Variants in EPHA1 observed in about 807,000 individuals in gnomAD.
EPHA1 encodes EPH receptor A1, also known as ephrin type-A receptor 1.
EPHA1 carries 92 observed loss-of-function variants against 110.1 expected under a neutral mutation model. The ratio of observed to expected loss-of-function variants is 0.84; its 90% confidence interval spans 0.71 to 0.99. The LOEUF is 0.99. EPHA1 is among the 50% of genes least tolerant of loss of function. The pLI is 0.00. For synonymous variants in EPHA1, 500 were observed against 516.1 expected, an observed-to-expected ratio of 0.97 and a Z score of 0.42; for missense variants, 1,204 against 1,285.4, an observed-to-expected ratio of 0.94 and a Z score of 0.97.
chr7:143,404,819 A>AG (rs1805501454), intron 2 of EPHA1, among the ~76,000 whole-genome samples: 1 of 152,140 alleles, frequency 6.6e-6, no homozygotes, highest in African/African-American at 2.4e-5. Flanking sequence ...ATGAATTTTC[A>AG]AAAGCTCTCA....
chr7:143,407,898 G>A (rs907551308), intron 1 of EPHA1: 1 of 394,336 alleles, frequency 2.5e-6, no homozygotes, highest in African/African-American at 2.1e-5. Flanking sequence ...CAGGTAGAGT[G>A]GGACAAGGGT....
intron 5 of EPHA1, 135 bp downstream of exon 5, chr7:143,399,123 C>A: frequency 7.8e-7 from 1 of 1,282,256 alleles, no homozygotes. Context: ...GGTGCCAGGG[C>A]AGGGGCTAAA....
Position 143,395,998 on chromosome 7 carries a change from T to G in EPHA1, c.1897+387A>C, listed in dbSNP as rs1307130841. On this transcript the variant is annotated intron_variant, in intron 11 of 17. Transcript: ENST00000275815. The surrounding 1 kb of genome is among the most constrained non-coding windows in gnomAD (Gnocchi z 4.7). ...AGGGAACAGGGCAGCCCAAGGACAC[T>G]GGGCCTCTGATGGGGTGGAATGCCA... 6.6e-6 allele frequency among the ~76,000 whole-genome samples: 1 copy of G among 152,208 alleles called. No individual in the cohort carries two copies. The highest frequency in any genetic ancestry group is 2.4e-5 in the African/African-American group (1 of 41,456).
chr7:143,396,263 A>C, intron 11 of EPHA1, 122 bp downstream of exon 11: 1 of 1,331,366 alleles, frequency 7.5e-7, no homozygotes, highest in Non-Finnish European at 1.0e-6. Context: ...TACCTCTGGA[A>C]ACTCTTGGAC....
In EPHA1 at chr7:143,398,916, A is replaced by C; in HGVS notation, c.1021T>G (p.Phe341Val). The C allele has an allele frequency of 6.2e-7, 1 of 1,612,052 alleles. No homozygotes were observed. The highest frequency in any genetic ancestry group is 1.7e-5 in the Admixed American group (1 of 59,866). ...GAGAGCTGAGTCCCTGAGGCAGAGA[A>C]GCTCAGGTTTCGGGGGGCCGAGGGG... ...GPPSAPRNLS[F>V]SASGTQLSLR... The change falls in exon 6 of 18, where the codon TTC becomes GTC. Residue 341 changes from phenylalanine (F) to valine (V), a missense_variant. Coordinates refer to ENST00000275815, the MANE Select transcript of EPHA1 (RefSeq NM_005232.5).
At chr7:143,407,559 T>C in intron 2 of EPHA1, 52 bp downstream of exon 2, 1 of 1,577,890 alleles carries the variant, frequency 6.3e-7, no homozygotes, top group Non-Finnish European at 8.7e-7. Flanking sequence ...CCACCCCATT[T>C]CCCACTGGCC....
At chr7:143,402,005 A>G (rs560808807) in intron 2 of EPHA1, among the ~76,000 whole-genome samples, 2 of 152,142 alleles carry the variant, frequency 1.3e-5, no homozygotes, top group East Asian at 3.9e-4. Context: ...GTATAATCAA[A>G]GCTCACTATA....
intron 16 of EPHA1, among the ~76,000 whole-genome samples, chr7:143,392,668 G>T (rs184133570): frequency 6.6e-6 from 1 of 152,108 alleles, no homozygotes; most frequent in South Asian, 2.1e-4. Context: ...TCCAGGCCAG[G>T]CGAGGTGGCC....
chr7:143,394,735 T>C (rs902996280), intron 14 of EPHA1, 73 bp downstream of exon 14: 2 of 1,566,452 alleles, frequency 1.3e-6, no homozygotes, highest in Non-Finnish European at 1.7e-6. Flanking sequence ...TTTGTGCCTA[T>C]ATACATGTGA....
Position 143,395,287 on chromosome 7 carries a change from C to T in EPHA1, c.2083+32G>A, listed in dbSNP as rs1223885341. The T allele has an allele frequency of 1.7e-5, 27 of 1,613,744 alleles. No homozygotes were observed. Among genetic ancestry groups the T allele is most frequent in the East Asian group, 4.5e-5 (2 of 44,892 alleles). On this transcript the variant is annotated intron_variant, in intron 12 of 17. Transcript: ENST00000275815. This position sits in a 1 kb window ranked among gnomAD's most constrained non-coding sequence, Gnocchi z 4.7. ...TTTCACCCCTCTTTCCTGCATTTCCCGCCCCCAGCTGAGGGAGACCACTCA... is the reference window on the plus strand; with the variant it reads ...TTTCACCCCTCTTTCCTGCATTTCCTGCCCCCAGCTGAGGGAGACCACTCA...
Position 143,395,554 on chromosome 7 carries a change from C to A in EPHA1, c.1898-50G>T. The A allele has an allele frequency of 6.3e-7, 1 of 1,592,508 alleles. No homozygotes were observed. Among genetic ancestry groups the A allele is most frequent in the Non-Finnish European group, 8.6e-7 (1 of 1,166,356 alleles). Reference sequence around the variant, plus strand: ...GGCCCGATGCACTGCAGGGCTCCTCCAGGGGACAGGCAGCAACCCCTCCAG... The same window carrying A: ...GGCCCGATGCACTGCAGGGCTCCTCAAGGGGACAGGCAGCAACCCCTCCAG... On this transcript the variant is annotated intron_variant, in intron 11 of 17. Transcript: ENST00000275815. This position sits in a 1 kb window ranked among gnomAD's most constrained non-coding sequence, Gnocchi z 4.7.
At chr7:143,408,281 C>T (rs1177197155) in intron 1 of EPHA1, among the ~76,000 whole-genome samples, 1 of 152,160 alleles carries the variant, frequency 6.6e-6, no homozygotes, top group Non-Finnish European at 1.5e-5. Flanking sequence ...ACCCCTGTGG[C>T]GTCAGTCCTA....
At position 143,399,745 on chromosome 7, in the gene EPHA1, C is replaced by T. The variant is rs750956234; in HGVS notation, c.741G>A (p.Met247Ile). The change falls in exon 4 of 18, where the codon ATG becomes ATA. Residue 247 changes from methionine (M) to isoleucine (I), a missense_variant. By Grantham distance (10) the Met-to-Ile change is conservative (BLOSUM62 1). Transcript: ENST00000275815. ...GCCACTCGCCATCAGGGCTGCAGTGCATGCGGGGTGCACCTGAGGGCCTGG... is the reference window on the plus strand; with the variant it reads ...GCCACTCGCCATCAGGGCTGCAGTGTATGCGGGGTGCACCTGAGGGCCTGG... ...ASPRPSGAPR[M>I]HCSPDGEWLV... The T allele has an allele frequency of 1.9e-5, 30 of 1,613,722 alleles. No individual in the cohort carries two copies. In the East Asian group the frequency reaches 6.5e-4, roughly 35 times the overall value.
chr7:143,397,804 A>AGT, intron 8 of EPHA1, 116 bp downstream of exon 8: 1 of 1,526,576 alleles, frequency 6.6e-7, no homozygotes, highest in Non-Finnish European at 9.0e-7. Flanking sequence ...GGAAGAAGGG[A>AGT]GTGTGTGTGC....
intron 14 of EPHA1, 73 bp from the exon 15 acceptor site, chr7:143,394,416 T>C (rs1163459794): frequency 6.7e-7 from 1 of 1,494,010 alleles, no homozygotes; most frequent in Non-Finnish European, 9.0e-7. Flanking sequence ...GCTTCTTTTA[T>C]TGTATTTTTA....
rs187920306 is a variant in EPHA1 at position 143,396,029 on chromosome 7, G to C, written c.1897+356C>G. 5.3e-5 allele frequency among the ~76,000 whole-genome samples: 8 copies of C among 152,348 alleles called. No homozygotes were observed. In the East Asian group the frequency reaches 1.4e-3, roughly 26 times the overall value. On this transcript the variant is annotated intron_variant, in intron 11 of 17. Coordinates refer to ENST00000275815, the MANE Select transcript of EPHA1 (RefSeq NM_005232.5). ...TCTGATGGGGTGGAATGCCAGGCTA[G>C]GGAGGGAATGAGTCCTACATTTGGG...
At position 143,399,802 on chromosome 7, in the gene EPHA1, C is replaced by A; in HGVS notation, c.684G>T (p.Ala228=). The A allele has an allele frequency of 6.2e-7, 1 of 1,611,828 alleles. No individual in the cohort carries two copies. Among genetic ancestry groups the A allele is most frequent in the Non-Finnish European group, 8.5e-7 (1 of 1,178,980 alleles). ...CCCGCGCGTGGGGCAAGCAGGTCCC[C>A]GCCACTTCCACCAACCCAGCGGGGC... ...LPGPAGLVEV[A]GTCLPHARAS... The change falls in exon 4 of 18, where the codon GCG becomes GCT. Residue 228 remains alanine, a synonymous_variant. Coordinates refer to ENST00000275815, the MANE Select transcript of EPHA1 (RefSeq NM_005232.5).
intron 2 of EPHA1, 147 bp downstream of exon 2, chr7:143,407,464 G>T: frequency 1.5e-6 from 1 of 689,398 alleles, no homozygotes; most frequent in Non-Finnish European, 2.5e-6. Context: ...CCATTGAGGA[G>T]GCTCTGACTC....
Position 143,398,863 on chromosome 7 carries a change from C to T in EPHA1, c.1074G>A (p.Thr358=), listed in dbSNP as rs779908170. 5.6e-5 allele frequency: 91 copies of T among 1,613,330 alleles called. No individual in the cohort carries two copies. The highest frequency in any genetic ancestry group is 1.6e-4 in the Middle Eastern group (1 of 6,080). Residue 358 remains threonine (T), a synonymous_variant, in exon 6 of 18, where the codon ACG becomes ACA. Transcript: ENST00000275815. ...LSLRWEPPAD[T]GGRQDVRYSV... ...TGTATCTGACATCCTGGCGTCCCCC[C>T]GTATCTGCTGGGGGTTCCCAACGCA... is the stretch of plus-strand genomic sequence containing the variant.
Sources: allele counts gnomAD v4.1 joint callset (sites outside exome capture counted in the v4.1 genomes callset), GRCh38; gene constraint gnomAD v4.1.1; non-coding constraint Gnocchi (gnomAD v3.1); transcripts MANE v1.5; gene names NCBI Gene and HGNC (gene_info 2026-07-23, HGNC 2026-07-21).